The following RGS6 variants were observed in gnomAD, a reference collection of about 807,000 sequenced individuals.
The protein encoded by RGS6 is regulator of G protein signaling 6.
Under a neutral mutation model 78.5 loss-of-function variants are expected in RGS6, and 30 were observed. The observed-to-expected ratio is 0.38, with a 90% CI of 0.29 to 0.52. The LOEUF is 0.52. RGS6 is among the 20% of genes least tolerant of loss of function. The pLI is 0.85. For synonymous variants in RGS6, 206 were observed against 206.0 expected (o/e 1.00, Z 0.00); for missense variants, 495 against 609.7 (o/e 0.81, Z 1.98).
At chr14:71,909,450 A>G in the RGS6 span, among the ~76,000 whole-genome samples, 244 of 152,208 alleles carry the variant, frequency 1.6e-3, 3 homozygotes, top group African/African-American at 5.7e-3. Flanking sequence ...TGTGTGAGAG[A>G]CAGACAGAGA....
rs117036521 is a variant in RGS6, at chr14:72,334,380, G to A, written c.85-17715G>A. ...CTACAAAAACCTGGGGAAGCTGGCA[G>A]GGCAGGGGGTGGGGAGGTTAAGCCC... is the stretch of plus-strand genomic sequence containing the variant. On this transcript the variant is annotated intron_variant, in intron 2 of 17. Coordinates refer to ENST00000553525, the MANE Select transcript of RGS6 (RefSeq NM_001204424.2). Among the ~76,000 whole-genome samples the A allele has an allele frequency of 4.3e-4, 66 of 152,336 alleles. No individual in the cohort carries two copies. The East Asian group carries it at 0.013, about 29-fold the overall frequency.
intron 12 of RGS6, among the ~76,000 whole-genome samples, chr14:72,485,552 A>G (rs1183663604): frequency 6.6e-6 from 1 of 152,204 alleles, no homozygotes; most frequent in Non-Finnish European, 1.5e-5. Context: ...GTTCTGAAAG[A>G]GACAACCTCT....
At chr14:72,007,959 A>C (rs900218476) in intron 2 of RGS6, among the ~76,000 whole-genome samples, 17 of 152,230 alleles carry the variant, frequency 1.1e-4, no homozygotes, top group Non-Finnish European at 5.9e-5. Context: ...ACAAGTAAAA[A>C]GCAGACTGAG....
intron 2 of RGS6, among the ~76,000 whole-genome samples, chr14:72,343,847 A>G (rs146646899): frequency 2.1e-4 from 32 of 152,316 alleles, no homozygotes; most frequent in African/African-American, 7.5e-4. Flanking sequence ...CAACAAGAAG[A>G]GGTTGACACA....
At chr14:72,252,184 T>C (rs1421653999) in intron 2 of RGS6, among the ~76,000 whole-genome samples, 1 of 152,218 alleles carries the variant, frequency 6.6e-6, no homozygotes. Flanking sequence ...AAGCCAAACA[T>C]GTAATATGAT....
intron 2 of RGS6, among the ~76,000 whole-genome samples, chr14:72,177,878 G>A (rs1351626006): frequency 2.0e-5 from 3 of 152,152 alleles, no homozygotes; most frequent in African/African-American, 7.2e-5. Context: ...ACTACATGTC[G>A]AGAGAATACG....
chr14:72,021,531 CGA>C (rs964996478), intron 2 of RGS6, among the ~76,000 whole-genome samples: 27 of 145,222 alleles, frequency 1.9e-4, no homozygotes, highest in African/African-American at 5.2e-4. Flanking sequence ...TGCAATGGCA[CGA>C]TCTCAGCTCA....
chr14:72,548,086 T>G (rs996021066), intron 17 of RGS6, among the ~76,000 whole-genome samples: 2 of 151,578 alleles, frequency 1.3e-5, no homozygotes, highest in Admixed American at 1.3e-4. Context: ...GGGGAGAGGG[T>G]GTATTAATCC....
chr14:71,922,876 C>CAA, the RGS6 span, among the ~76,000 whole-genome samples: 1 of 151,638 alleles, frequency 6.6e-6, no homozygotes, highest in African/African-American at 2.4e-5. Context: ...CAAAACAAAA[C>CAA]AAAACAAAAC....
chr14:72,267,772 C>T (rs1567620952), intron 2 of RGS6, among the ~76,000 whole-genome samples: 2 of 152,212 alleles, frequency 1.3e-5, no homozygotes, highest in Non-Finnish European at 1.5e-5. Flanking sequence ...TAGAATATTC[C>T]TCAGAGCTGA....
At chr14:72,503,367 C>T (rs1362828632) in intron 13 of RGS6, among the ~76,000 whole-genome samples, 1 of 152,178 alleles carries the variant, frequency 6.6e-6, no homozygotes, top group Non-Finnish European at 1.5e-5. Context: ...TCTCAGTAGT[C>T]CCCGAAGTCT....
At chr14:72,474,531 A>G in intron 9 of RGS6, 94 bp from the exon 10 acceptor site, 1 of 1,169,484 alleles carries the variant, frequency 8.6e-7, no homozygotes, top group Non-Finnish European at 1.2e-6. Flanking sequence ...TGTAATGGAA[A>G]AAGATAAAGA....
At chr14:72,247,453 G>C (rs954709111) in intron 2 of RGS6, among the ~76,000 whole-genome samples, 4 of 152,160 alleles carry the variant, frequency 2.6e-5, no homozygotes, top group Non-Finnish European at 5.9e-5. Context: ...ACTTCGGTCT[G>C]AGTGACCAAA....
At chr14:71,885,590 G>T in the RGS6 span, among the ~76,000 whole-genome samples, 1 of 152,232 alleles carries the variant, frequency 6.6e-6, no homozygotes, top group African/African-American at 2.4e-5. Context: ...TCACTTGGGA[G>T]CTCAGGAATC....
At chr14:72,173,260 C>A (rs780991506) in intron 2 of RGS6, among the ~76,000 whole-genome samples, 3 of 152,048 alleles carry the variant, frequency 2.0e-5, no homozygotes, top group African/African-American at 7.2e-5. Flanking sequence ...GTGTACAGGG[C>A]AGCTGCCCAC....
chr14:72,396,543 G>A (rs1464306728), intron 3 of RGS6, among the ~76,000 whole-genome samples: 1 of 152,042 alleles, frequency 6.6e-6, no homozygotes, highest in Non-Finnish European at 1.5e-5. Flanking sequence ...AAGCTCTTTA[G>A]TCTGATTAGA....
chr14:72,496,125 G>C (rs960662973), intron 13 of RGS6, among the ~76,000 whole-genome samples: 1 of 152,164 alleles, frequency 6.6e-6, no homozygotes, highest in Admixed American at 6.5e-5. Flanking sequence ...ATTCTAAAAA[G>C]TTCAAATTAT....
chr14:72,196,253 G>A (rs898289813), intron 2 of RGS6, among the ~76,000 whole-genome samples: 5 of 152,190 alleles, frequency 3.3e-5, no homozygotes, highest in African/African-American at 1.2e-4. Flanking sequence ...GGGGGATGGA[G>A]CCCACTGTGG....
chr14:71,924,837 GT>G, the RGS6 span, among the ~76,000 whole-genome samples: 1 of 152,124 alleles, frequency 6.6e-6, no homozygotes, highest in Non-Finnish European at 1.5e-5. Context: ...GGACACTTAA[GT>G]TGTTCCCATA....
Sources: allele counts gnomAD v4.1 joint callset (sites outside exome capture counted in the v4.1 genomes callset), GRCh38; gene constraint gnomAD v4.1.1; transcripts MANE v1.5; gene names NCBI Gene and HGNC (gene_info 2026-07-23, HGNC 2026-07-21).